The following AAK1 variants were observed in gnomAD, a reference collection of about 807,000 sequenced individuals.
The protein encoded by AAK1 is AP2 associated kinase 1.
In AAK1, 37 loss-of-function variants were observed where a neutral mutation model predicts 116.0. The observed-to-expected ratio is 0.32, with a 90% CI of 0.25 to 0.42. The LOEUF is 0.42. AAK1 is among the 10% of genes least tolerant of loss of function. The probability of loss-of-function intolerance (pLI) is 1.00; values close to 1 mark genes in which losing one functional copy is unlikely to be tolerated. For missense variants in AAK1, 919 were observed against 1,170.6 expected (o/e 0.79, Z 3.14); for synonymous variants, 458 against 439.9 (o/e 1.04, Z -0.51).
intron 1 of AAK1, 21 bp downstream of exon 1, chr2:69,643,554 C>A: frequency 4.1e-6 from 5 of 1,227,954 alleles, no homozygotes. Flanking sequence ...CCCCTCGAGG[C>A]GGCATCCTGG....
rs1238816956 is a variant in AAK1, at chr2:69,473,468, G to T, written c.*2401C>A. 13 of 985,366 alleles carry T rather than the reference G, an allele frequency of 1.3e-5. No homozygotes were observed. Among genetic ancestry groups the T allele is most frequent in the Non-Finnish European group, 4.8e-6 (4 of 829,912 alleles). 61.0% of individuals were successfully genotyped at this position (985,366 alleles called of 1,614,324 possible). A position where few individuals can be genotyped will look rare whatever the true frequency, so the allele number is the denominator to read the frequency against. On this transcript the variant is annotated 3_prime_UTR_variant, in exon 22 of 22. Coordinates refer to ENST00000409085, the MANE Select transcript of AAK1 (RefSeq NM_014911.5). ...AAAAATAGTTCTCCCCTTTGAGGAGGCCTTACTCTAAATAAGCCCAAGACA... is the reference window on the plus strand; with the variant it reads ...AAAAATAGTTCTCCCCTTTGAGGAGTCCTTACTCTAAATAAGCCCAAGACA...
chr2:69,498,899 T>G (rs1293418984), intron 16 of AAK1, among the ~76,000 whole-genome samples: 1 of 152,156 alleles, frequency 6.6e-6, no homozygotes, highest in Non-Finnish European at 1.5e-5. Context: ...CAGCCCCAGC[T>G]CAACTAGATG....
chr2:69,612,150 A>G (rs2105219237), intron 2 of AAK1, among the ~76,000 whole-genome samples: 1 of 152,388 alleles, frequency 6.6e-6, no homozygotes, highest in East Asian at 1.9e-4. Flanking sequence ...TATAATAAAA[A>G]AAGTTATCCA....
At position 69,473,480 on chromosome 2, in the gene AAK1, A is replaced by G. The variant is rs1674747958; in HGVS notation, c.*2389T>C. The G allele has an allele frequency of 1.0e-6, 1 of 985,314 alleles. No homozygotes were observed. The highest frequency in any genetic ancestry group is 1.2e-6 in the Non-Finnish European group (1 of 829,938). 61.0% of individuals were successfully genotyped at this position (985,314 alleles called of 1,614,324 possible). On this transcript the variant is annotated 3_prime_UTR_variant, in exon 22 of 22. Transcript: ENST00000409085. ...CCCCTTTGAGGAGGCCTTACTCTAA[A>G]TAAGCCCAAGACAATTTCTTGTCAT...
intron 2 of AAK1, among the ~76,000 whole-genome samples, chr2:69,628,087 C>T (rs772207624): frequency 6.6e-5 from 10 of 152,066 alleles, no homozygotes; most frequent in Non-Finnish European, 1.2e-4. Context: ...AATCTTTCAC[C>T]TCCAGTAAGA....
chr2:69,609,347 A>G (rs1313890635), intron 2 of AAK1, among the ~76,000 whole-genome samples: 1 of 152,036 alleles, frequency 6.6e-6, no homozygotes, highest in Non-Finnish European at 1.5e-5. Flanking sequence ...TGGGTGACAG[A>G]GTGAGACCCT....
At chr2:69,622,110 G>A (rs1218407277) in intron 2 of AAK1, among the ~76,000 whole-genome samples, 1 of 152,248 alleles carries the variant, frequency 6.6e-6, no homozygotes, top group East Asian at 1.9e-4. Context: ...AACCGGGGCT[G>A]CGCAGGGCGC....
At chr2:69,616,811 C>T (rs1161994628) in intron 2 of AAK1, among the ~76,000 whole-genome samples, 1 of 152,170 alleles carries the variant, frequency 6.6e-6, no homozygotes, top group Non-Finnish European at 1.5e-5. Flanking sequence ...CCTTGTATAC[C>T]TACCAGTGTG....
chr2:69,576,638 A>G (rs1390318469), intron 2 of AAK1, among the ~76,000 whole-genome samples: 1 of 152,138 alleles, frequency 6.6e-6, no homozygotes. Flanking sequence ...TTGAGTTTCA[A>G]TGGAGGTATA....
intron 5 of AAK1, among the ~76,000 whole-genome samples, chr2:69,535,144 G>A (rs1332087915): frequency 6.6e-6 from 1 of 152,126 alleles, no homozygotes; most frequent in Non-Finnish European, 1.5e-5. Flanking sequence ...GTGTGCACTC[G>A]CTTTCTGAAT....
chr2:69,595,747 C>T (rs980927322), intron 2 of AAK1, among the ~76,000 whole-genome samples: 2 of 152,242 alleles, frequency 1.3e-5, no homozygotes, highest in African/African-American at 4.8e-5. Flanking sequence ...CACTAAACAA[C>T]AGATTCTCAA....
Position 69,473,268 on chromosome 2 carries a change from T to A in AAK1, c.*2601A>T. On this transcript the variant is annotated 3_prime_UTR_variant, in exon 22 of 22. Coordinates refer to ENST00000409085, the MANE Select transcript of AAK1 (RefSeq NM_014911.5). ...CAGCTCAGGTCCCACACCTGTAAAA[T>A]GAAGAGGATGGTGGACTAGAGGATG... The A allele has an allele frequency of 1.0e-6, 1 of 970,590 alleles. No homozygotes were observed. Among genetic ancestry groups the A allele is most frequent in the Non-Finnish European group, 1.2e-6 (1 of 816,438 alleles). The allele number at this position is 970,590 out of a possible 1,614,324, so 60.1% of individuals were successfully genotyped here.
intron 2 of AAK1, among the ~76,000 whole-genome samples, chr2:69,630,505 GCTAA>G (rs1438531846): frequency 3.9e-5 from 6 of 152,132 alleles, no homozygotes; most frequent in Non-Finnish European, 7.3e-5. Flanking sequence ...TTTACAAACT[GCTAA>G]CTAACATACA....
chr2:69,556,568 C>T (rs559113498), intron 3 of AAK1, among the ~76,000 whole-genome samples: 1 of 152,290 alleles, frequency 6.6e-6, no homozygotes, highest in Non-Finnish European at 1.5e-5. Flanking sequence ...GATTAAATAT[C>T]ACAGTTAATT....
intron 17 of AAK1, among the ~76,000 whole-genome samples, chr2:69,489,446 G>T: frequency 9.6e-6 from 1 of 104,582 alleles, no homozygotes; most frequent in Non-Finnish European, 1.8e-5. Context: ...GCGAGACTCC[G>T]TCTCAAAAAA....
At chr2:69,515,843 A>T (rs2104985212) in intron 12 of AAK1, among the ~76,000 whole-genome samples, 1 of 152,330 alleles carries the variant, frequency 6.6e-6, no homozygotes, top group Middle Eastern at 3.4e-3. Flanking sequence ...GATGTCAAAA[A>T]AAAAAAATAG....
In AAK1 at chr2:69,643,705, C is replaced by T; in HGVS notation, c.-365G>A. ...GGGGCCGCGCTCGGCTCCCGCCCGC[C>T]CGCCAGCTGATCCCGGGAGCGCCGG... is the stretch of plus-strand genomic sequence containing the variant. On this transcript the variant is annotated 5_prime_UTR_variant, in exon 1 of 22. Coordinates refer to ENST00000409085, the MANE Select transcript of AAK1 (RefSeq NM_014911.5). The T allele has an allele frequency of 8.2e-7, 1 of 1,216,908 alleles. No homozygotes were observed. The highest frequency in any genetic ancestry group is 1.0e-6 in the Non-Finnish European group (1 of 978,514). The allele number at this position is 1,216,908 out of a possible 1,614,324, so 75.4% of individuals were successfully genotyped here. A position where few individuals can be genotyped will look rare whatever the true frequency, so the allele number is the denominator to read the frequency against.
Position 69,475,952 on chromosome 2 carries a change from T to C in AAK1, c.2803A>G (p.Arg935Gly), listed in dbSNP as rs1255598265. Reference protein sequence around the residue: ...ITKNPQGGHSRNSSGSSESSL... With the variant: ...ITKNPQGGHSGNSSGSSESSL... The stretch of plus-strand genomic sequence containing the variant: ...GACTCAGAGCTCCCACTGCTGTTTC[T>C]AGAGTGCCCACCTGGAAGTGGAGAG... The change falls in exon 22 of 22, where the codon AGA (arginine) becomes GGA (glycine). Residue 935 changes from arginine to glycine, a missense_variant. By Grantham distance (125) the Arg-to-Gly change is moderately radical (BLOSUM62 -2). This residue lies in a region of AAK1 where 263 missense variants were observed against 285.5 expected (regional missense o/e 0.92). Transcript: ENST00000409085. The C allele has an allele frequency of 3.1e-6, 5 of 1,611,844 alleles. No individual in the cohort carries two copies. The highest frequency in any genetic ancestry group is 4.2e-6 in the Non-Finnish European group (5 of 1,179,074).
intron 2 of AAK1, among the ~76,000 whole-genome samples, chr2:69,557,963 T>C (rs1671457251): frequency 6.6e-6 from 1 of 152,208 alleles, no homozygotes; most frequent in Non-Finnish European, 1.5e-5. Context: ...CCACATAGCA[T>C]ACACAAGGCA....
Sources: allele counts gnomAD v4.1 joint callset (sites outside exome capture counted in the v4.1 genomes callset), GRCh38; gene constraint gnomAD v4.1.1; regional missense constraint gnomAD v4.1.1; transcripts MANE v1.5; gene names NCBI Gene and HGNC (gene_info 2026-07-23, HGNC 2026-07-21).